Variants in C2CD2 observed in about 807,000 individuals in gnomAD.
C2CD2 encodes C2 domain-containing protein 2.
C2CD2 carries 43 observed loss-of-function variants against 74.3 expected under a neutral mutation model. That is an observed-to-expected ratio of 0.58 (90% CI 0.45 to 0.75). The LOEUF is 0.75. Ranked by LOEUF, C2CD2 falls within the 30% of genes least tolerant of loss-of-function variation. The pLI is 0.00. For synonymous variants in C2CD2, 422 were observed against 390.7 expected (o/e 1.08, Z -0.94); for missense variants, 801 against 916.3 (o/e 0.87, Z 1.63).
At position 41,888,951 on chromosome 21, in the gene C2CD2, C is replaced by G. The variant is rs1569049923; in HGVS notation, c.*173G>C. On this transcript the variant is annotated 3_prime_UTR_variant, in exon 14 of 14. Coordinates refer to ENST00000380486, the MANE Select transcript of C2CD2 (RefSeq NM_015500.2). ...GCTTTTTTGTCCTCTCTGGGAGAAG[C>G]CTCCTGGCTGGAGACTCAGATTTTG... 3 of 618,786 alleles carry G rather than the reference C, an allele frequency of 4.8e-6. No individual in the cohort carries two copies. The highest frequency in any genetic ancestry group is 8.6e-6 in the Non-Finnish European group (3 of 350,502). 38.3% of individuals were successfully genotyped at this position (618,786 alleles called of 1,614,324 possible).
intron 2 of C2CD2, 142 bp downstream of exon 2, chr21:41,942,005 A>G (rs913034969): frequency 1.9e-6 from 2 of 1,079,558 alleles, no homozygotes; most frequent in Non-Finnish European, 1.3e-6. Flanking sequence ...TCATCTACCC[A>G]TCAGCTGATG....
chr21:41,912,711 G>C (rs1304182446), intron 6 of C2CD2, among the ~76,000 whole-genome samples: 1 of 152,030 alleles, frequency 6.6e-6, no homozygotes, highest in South Asian at 2.1e-4. Flanking sequence ...GGCTGGTCTC[G>C]AACTCCTGAC....
At chr21:41,936,232 ACAACT>A (rs1407719752) in intron 2 of C2CD2, among the ~76,000 whole-genome samples, 1 of 152,218 alleles carries the variant, frequency 6.6e-6, no homozygotes, top group Non-Finnish European at 1.5e-5. Flanking sequence ...AAATAAATAA[ACAACT>A]CAAGTAACTC....
At chr21:41,940,585 T>C (rs188267219) in intron 2 of C2CD2, among the ~76,000 whole-genome samples, 2 of 152,238 alleles carry the variant, frequency 1.3e-5, no homozygotes, top group Non-Finnish European at 2.9e-5. Context: ...AGGTAACATA[T>C]AAACACAGGT....
chr21:41,949,817 G>C (rs917470782), intron 1 of C2CD2, among the ~76,000 whole-genome samples: 7 of 152,192 alleles, frequency 4.6e-5, no homozygotes, highest in Non-Finnish European at 8.8e-5. Flanking sequence ...CATAAAAAAG[G>C]ATGAGTTCAT....
intron 5 of C2CD2, among the ~76,000 whole-genome samples, chr21:41,917,889 G>A (rs1239332271): frequency 1.3e-5 from 2 of 152,172 alleles, no homozygotes; most frequent in Non-Finnish European, 2.9e-5. Context: ...GGAAATGTCA[G>A]GTTTTCCTTC....
intron 2 of C2CD2, among the ~76,000 whole-genome samples, chr21:41,936,092 C>T (rs1033621967): frequency 6.6e-6 from 1 of 151,778 alleles, no homozygotes; most frequent in Non-Finnish European, 1.5e-5. Flanking sequence ...AAAACAAAAA[C>T]AGACAAATGG....
chr21:41,910,589 T>G (rs1428263485), intron 7 of C2CD2, among the ~76,000 whole-genome samples: 1 of 152,210 alleles, frequency 6.6e-6, no homozygotes, highest in Non-Finnish European at 1.5e-5. Context: ...TTTCAGAAGT[T>G]TATGGCCATT....
At chr21:41,901,291 T>G in intron 12 of C2CD2, 1 of 368,426 alleles carries the variant, frequency 2.7e-6, no homozygotes, top group Non-Finnish European at 5.1e-6. Context: ...CGTGACTGGG[T>G]GGTGACGAGA....
intron 2 of C2CD2, among the ~76,000 whole-genome samples, chr21:41,930,364 A>G (rs1408594298): frequency 6.7e-6 from 1 of 150,116 alleles, no homozygotes. Flanking sequence ...AGAGAAAAAA[A>G]TAATAATAAA....
chr21:41,943,443 C>T (rs1282476899), intron 1 of C2CD2, among the ~76,000 whole-genome samples: 1 of 152,194 alleles, frequency 6.6e-6, no homozygotes, highest in African/African-American at 2.4e-5. Context: ...AGAGGCCAAA[C>T]GTGTACATCA....
At chr21:41,897,341 A>G (rs1207446997) in intron 13 of C2CD2, among the ~76,000 whole-genome samples, 4 of 152,168 alleles carry the variant, frequency 2.6e-5, no homozygotes, top group Non-Finnish European at 5.9e-5. Context: ...CCAGTCAGGT[A>G]AGGGAGAGGA....
chr21:41,914,056 T>C (rs2065058921), intron 6 of C2CD2, among the ~76,000 whole-genome samples: 1 of 152,114 alleles, frequency 6.6e-6, no homozygotes, highest in South Asian at 2.1e-4. Flanking sequence ...GGAGAAACCC[T>C]GTCTGTACTA....
chr21:41,925,958 C>T lies in C2CD2; in HGVS notation c.379-3873G>A, dbSNP rs775232932. Among the ~76,000 whole-genome samples the T allele has an allele frequency of 5.3e-5, 8 of 152,202 alleles. No homozygotes were observed. The East Asian group carries it at 5.8e-4, about 11-fold the overall frequency. ...TTCTTAGCTTTCCAAGTGAGCTCTT[C>T]GGGGAATTCCAGTTCTATTCAATTG... On this transcript the variant is annotated intron_variant, in intron 2 of 13. Coordinates refer to ENST00000380486, the MANE Select transcript of C2CD2 (RefSeq NM_015500.2).
At chr21:41,914,829 C>G in intron 5 of C2CD2, 108 bp from the exon 6 acceptor site, 1 of 912,248 alleles carries the variant, frequency 1.1e-6, no homozygotes, top group Non-Finnish European at 1.6e-6. Flanking sequence ...GGGGTGTCTA[C>G]AGGAAAACCT....
rs113742480 is a variant in C2CD2, at chr21:41,945,502, G to GA, written c.280-3258dup. 0.01 allele frequency among the ~76,000 whole-genome samples: 1,402 copies of GA among 135,362 alleles called. 9 individuals are homozygous for GA. Among genetic ancestry groups the GA allele is most frequent in the Middle Eastern group, 0.058 (16 of 274 alleles). The allele number at this position is 135,362 out of a possible 152,430, so 88.8% of individuals were successfully genotyped here. The stretch of plus-strand genomic sequence containing the variant: ...TTGTGGAAACATGAAGTAAGGAAAT[G>GA]AAAAAAAAAAAAAGTGGGCTTGATG... On this transcript the variant is annotated intron_variant, in intron 1 of 13. Coordinates refer to ENST00000380486, the MANE Select transcript of C2CD2 (RefSeq NM_015500.2). The surrounding 1 kb of genome is among the most constrained non-coding windows in gnomAD (Gnocchi z 4.2).
Position 41,953,400 on chromosome 21 carries a change from G to A in C2CD2, c.249C>T (p.Thr83=). 1 of 1,417,434 alleles carries A rather than the reference G, an allele frequency of 7.1e-7. No individual in the cohort carries two copies. Among genetic ancestry groups the A allele is most frequent in the Non-Finnish European group, 9.2e-7 (1 of 1,081,782 alleles). 87.8% of individuals were successfully genotyped at this position (1,417,434 alleles called of 1,614,324 possible). A position where few individuals can be genotyped will look rare whatever the true frequency, so the allele number is the denominator to read the frequency against. Residue 83 remains threonine, a synonymous_variant, in exon 1 of 14, where the codon ACC becomes ACT. Coordinates refer to ENST00000380486, the MANE Select transcript of C2CD2 (RefSeq NM_015500.2). ...TCCTCTCGGCCTCCTCGTTCAGGGC[G>A]GTCACCCAGGCCGCCTGCCACTGGC... is the stretch of plus-strand genomic sequence containing the variant. ...WRSQWQAAWV[T]ALNEEAERKG...
At chr21:41,919,263 C>A (rs909769693) in intron 3 of C2CD2, among the ~76,000 whole-genome samples, 1 of 152,144 alleles carries the variant, frequency 6.6e-6, no homozygotes, top group African/African-American at 2.4e-5. Flanking sequence ...TGTATGTGTG[C>A]GCATGTCTGC....
chr21:41,928,541 A>C (rs1319687482), intron 2 of C2CD2, among the ~76,000 whole-genome samples: 1 of 135,792 alleles, frequency 7.4e-6, no homozygotes, highest in Non-Finnish European at 1.6e-5. Flanking sequence ...ATGTAAAGCA[A>C]AGCAAAAAAA....
Sources: allele counts gnomAD v4.1 joint callset (sites outside exome capture counted in the v4.1 genomes callset), GRCh38; gene constraint gnomAD v4.1.1; non-coding constraint Gnocchi (gnomAD v3.1); transcripts MANE v1.5; gene names NCBI Gene and HGNC (gene_info 2026-07-23, HGNC 2026-07-21).